Variants in TSHZ3 observed in about 807,000 individuals in gnomAD.
TSHZ3 encodes the protein teashirt zinc finger homeobox 3.
TSHZ3 carries 10 observed loss-of-function variants against 64.5 expected under a neutral mutation model. The ratio of observed to expected loss-of-function variants is 0.16; its 90% CI spans 0.10 to 0.26. The LOEUF (loss-of-function observed/expected upper bound fraction) is 0.26, where lower values mean the gene tolerates loss of function less well. Ranked by LOEUF, TSHZ3 falls within the 10% of genes least tolerant of loss-of-function variation. The pLI is 1.00. For synonymous variants in TSHZ3, 608 were observed against 593.1 expected (o/e 1.03, Z -0.36); for missense variants, 1,242 against 1,421.7 (o/e 0.87, Z 2.03).
chr19:31,331,660 G>C (rs1213204672), intron 1 of TSHZ3, among the ~76,000 whole-genome samples: 1 of 152,214 alleles, frequency 6.6e-6, no homozygotes, highest in Non-Finnish European at 1.5e-5. Flanking sequence ...AAGGAGGCCA[G>C]CGGCTGCATT....
At chr19:31,301,554 C>T (rs879327420) in intron 1 of TSHZ3, among the ~76,000 whole-genome samples, 2 of 152,178 alleles carry the variant, frequency 1.3e-5, no homozygotes, top group African/African-American at 2.4e-5. Flanking sequence ...CTGCCTGAGA[C>T]ATGCCTGCGG....
chr19:31,340,382 C>T (rs1264971053), intron 1 of TSHZ3, among the ~76,000 whole-genome samples: 1 of 133,062 alleles, frequency 7.5e-6, no homozygotes, highest in Non-Finnish European at 1.6e-5. Context: ...CTTCCTCTCA[C>T]ACCTGCCCAA....
chr19:31,258,615 A>T (rs528760037), intron 1 of TSHZ3, among the ~76,000 whole-genome samples: 136 of 152,326 alleles, frequency 8.9e-4, no homozygotes, highest in Non-Finnish European at 1.8e-3. Flanking sequence ...AAGGACAGGG[A>T]TTCGGTCATA....
Position 31,277,416 on chromosome 19 carries a change from T to C in TSHZ3, c.2377A>G (p.Thr793Ala). The C allele has an allele frequency of 1.9e-6, 3 of 1,614,036 alleles. No individual in the cohort carries two copies. Among genetic ancestry groups the C allele is most frequent in the South Asian group, 2.2e-5 (2 of 91,066 alleles). The change falls in exon 2 of 2, where the codon ACA (threonine) becomes GCA (alanine). Residue 793 changes from threonine (T) to alanine (A), a missense_variant. This residue lies in a region of TSHZ3 where 550 missense variants were observed against 545.1 expected (regional missense o/e 1.01). Coordinates refer to ENST00000240587, the MANE Select transcript of TSHZ3 (RefSeq NM_020856.4). This position sits in a 1 kb window ranked among gnomAD's most constrained non-coding sequence, Gnocchi z 4.5. ...CAGCCTTTGTCACTCTTCCCTTTTG[T>C]CAAGTCTATGGGCTGGTCGTTGTTG... ...HVNNDQPIDL[T>A]KGKSDKGCSL...
chr19:31,249,939 C>T (rs2145190655), intron 1 of TSHZ3, among the ~76,000 whole-genome samples: 1 of 152,360 alleles, frequency 6.6e-6, no homozygotes, highest in South Asian at 2.1e-4. Context: ...ACATTTGCTT[C>T]CTGGGGATAC....
At chr19:31,307,186 C>T (rs1177096036) in intron 1 of TSHZ3, among the ~76,000 whole-genome samples, 1 of 152,160 alleles carries the variant, frequency 6.6e-6, no homozygotes, top group Non-Finnish European at 1.5e-5. Context: ...TGCCTCTACC[C>T]GTTTCTATAT....
At chr19:31,290,951 A>C (rs530963206) in intron 1 of TSHZ3, among the ~76,000 whole-genome samples, 1 of 152,200 alleles carries the variant, frequency 6.6e-6, no homozygotes, top group Non-Finnish European at 1.5e-5. Flanking sequence ...AATGTGTGAG[A>C]TGAATGCTTG....
At chr19:31,310,227 C>A (rs1247353776) in intron 1 of TSHZ3, among the ~76,000 whole-genome samples, 2 of 152,102 alleles carry the variant, frequency 1.3e-5, no homozygotes, top group African/African-American at 4.8e-5. Flanking sequence ...AGGTAATGAG[C>A]CTCTTTCCTC....
intron 3 of TSHZ3, among the ~76,000 whole-genome samples, chr19:31,238,916 A>C (rs2087526853): frequency 6.6e-6 from 1 of 152,194 alleles, no homozygotes; most frequent in African/African-American, 2.4e-5. Flanking sequence ...TTCATCTTAT[A>C]ATTTGATTTC....
In TSHZ3 at chr19:31,183,719, G is replaced by A. The variant is rs555847824; in HGVS notation, n.809+21237C>T. 1.2e-3 allele frequency among the ~76,000 whole-genome samples: 187 copies of A among 152,280 alleles called. 1 individual carries two copies. Among genetic ancestry groups the A allele is most frequent in the Admixed American group, 2.1e-3 (32 of 15,298 alleles). On this transcript the variant is annotated intron_variant and non_coding_transcript_variant, in intron 5 of 6. Coordinates refer to the TSHZ3 transcript ENST00000651361. ...GGTGAGAGGTCAGCCACCCTCTGCT[G>A]TAGGGAGCTGATGTTTCCACCTCTT...
intron 1 of TSHZ3, among the ~76,000 whole-genome samples, chr19:31,302,900 A>AAATAAGATG (rs111259693): frequency 0.033 from 4,961 of 152,282 alleles, 298 homozygotes; most frequent in African/African-American, 0.12. Context: ...TGCTTGGTGG[A>AAATAAGATG]AATAAGATGT....
At chr19:31,169,881 A>C (rs2145113742) in intron 5 of TSHZ3, among the ~76,000 whole-genome samples, 1 of 152,306 alleles carries the variant, frequency 6.6e-6, no homozygotes, top group South Asian at 2.1e-4. Context: ...TGGAGACCTC[A>C]CACACCATGG....
intron 5 of TSHZ3, among the ~76,000 whole-genome samples, chr19:31,173,010 A>G (rs1480473437): frequency 1.3e-5 from 2 of 152,176 alleles, no homozygotes; most frequent in South Asian, 2.1e-4. Flanking sequence ...GAGCCACCAT[A>G]AGGGCTCTAG....
At chr19:31,258,385 A>G (rs1282015180) in intron 1 of TSHZ3, among the ~76,000 whole-genome samples, 2 of 152,160 alleles carry the variant, frequency 1.3e-5, no homozygotes, top group African/African-American at 4.8e-5. Flanking sequence ...GGACTGCTGC[A>G]GGCTGTCTTG....
intron 5 of TSHZ3, among the ~76,000 whole-genome samples, chr19:31,185,764 A>G (rs550685731): frequency 6.6e-6 from 1 of 152,308 alleles, no homozygotes; most frequent in South Asian, 2.1e-4. Context: ...TCACATTCCT[A>G]TTAGAATATA....
intron 3 of TSHZ3, among the ~76,000 whole-genome samples, chr19:31,231,787 G>A (rs1393619185): frequency 6.6e-6 from 1 of 152,124 alleles, no homozygotes; most frequent in African/African-American, 2.4e-5. Context: ...TTCACAAGTC[G>A]TGCCTAGGAA....
In TSHZ3 at chr19:31,279,568, C is replaced by A. The variant is rs1976324248; in HGVS notation, c.225G>T (p.Glu75Asp). ...AEFSCHEMDS[E>D]SHISETSDRM... ...GGTCACTGGTCTCACTGATGTGTGACTCGCTGTCCATTTCATGGCAGGAAA... is the reference window on the plus strand; with the variant it reads ...GGTCACTGGTCTCACTGATGTGTGAATCGCTGTCCATTTCATGGCAGGAAA... Residue 75 changes from glutamate (E) to aspartate (D), a missense_variant, in exon 2 of 2, where the codon GAG becomes GAT. By Grantham distance (45) the Glu-to-Asp change is conservative (BLOSUM62 2). Around this residue, in one of 4 missense-constraint regions of TSHZ3, gnomAD observed 555 missense variants for 704.0 expected, o/e 0.79. Transcript: ENST00000240587. The surrounding 1 kb of genome is among the most constrained non-coding windows in gnomAD (Gnocchi z 6.4). 6.2e-7 allele frequency: 1 copy of A among 1,610,714 alleles called. No individual in the cohort carries two copies. Among genetic ancestry groups the A allele is most frequent in the Non-Finnish European group, 8.5e-7 (1 of 1,177,822 alleles).
intron 3 of TSHZ3, among the ~76,000 whole-genome samples, chr19:31,240,321 G>A (rs1975671086): frequency 6.6e-6 from 1 of 151,980 alleles, no homozygotes; most frequent in South Asian, 2.1e-4. Context: ...TTAAAAATAT[G>A]TATTTTGACA....
intron 1 of TSHZ3, among the ~76,000 whole-genome samples, chr19:31,293,673 G>A (rs1976613910): frequency 6.6e-6 from 1 of 152,198 alleles, no homozygotes; most frequent in Non-Finnish European, 1.5e-5. Context: ...AGAAATATAA[G>A]AAATTATCAG....
Sources: gnomAD v4.1 joint callset for allele counts (sites outside exome capture counted in the v4.1 genomes callset) on GRCh38, gnomAD v4.1.1 for gene constraint, gnomAD v4.1.1 regional missense constraint, Gnocchi (gnomAD v3.1) non-coding constraint, MANE v1.5 for transcripts, NCBI Gene and HGNC (gene_info 2026-07-23, HGNC 2026-07-21) for gene names.